The following NARS2 variants were observed in gnomAD, a reference collection of about 807,000 sequenced individuals.
NARS2 encodes asparaginyl-tRNA synthetase 2, mitochondrial, also known as asparaginyl-tRNA synthetase.
NARS2 carries 60 observed loss-of-function variants against 62.9 expected under a neutral mutation model. That is an observed-to-expected ratio of 0.95 (90% CI 0.77 to 1.18). NARS2 has a LOEUF of 1.18. Ranked by LOEUF, NARS2 falls within the 50% of genes most tolerant of loss-of-function variation. The pLI is 0.00. For synonymous variants in NARS2, 196 were observed against 200.0 expected, an observed-to-expected ratio of 0.98 and a Z score of 0.17; for missense variants, 619 against 576.4, an observed-to-expected ratio of 1.07 and a Z score of -0.76.
At chr11:78,568,882 T>A (rs1856827619) in intron 2 of NARS2, 130 bp from the exon 3 acceptor site, 1 of 633,626 alleles carries the variant, frequency 1.6e-6, no homozygotes, top group South Asian at 2.7e-5. Context: ...TAAATAATCT[T>A]CAGAATCTAT....
intron 5 of NARS2, among the ~76,000 whole-genome samples, chr11:78,533,763 G>C (rs1861565829): frequency 6.6e-6 from 1 of 152,122 alleles, no homozygotes; most frequent in Admixed American, 6.5e-5. Flanking sequence ...GTATCATACA[G>C]AATAGTTTCA....
intron 11 of NARS2, among the ~76,000 whole-genome samples, chr11:78,451,125 T>A (rs1857956683): frequency 6.6e-6 from 1 of 152,220 alleles, no homozygotes; most frequent in African/African-American, 2.4e-5. Flanking sequence ...TTCTGCACAC[T>A]CTCTGAGAAG....
At chr11:78,570,348 T>C (rs1243884895) in intron 2 of NARS2, among the ~76,000 whole-genome samples, 1 of 152,196 alleles carries the variant, frequency 6.6e-6, no homozygotes, top group African/African-American at 2.4e-5. Context: ...AATAATGTTC[T>C]CTTCCTCAGA....
At chr11:78,573,175 G>T (rs1565294478) in intron 1 of NARS2, 1 of 152,204 alleles carries the variant, frequency 6.6e-6, no homozygotes, top group Non-Finnish European at 1.5e-5. Context: ...AGAAATCACT[G>T]CAACGGCAAG....
At chr11:78,515,182 C>CA (rs778101284) in intron 6 of NARS2, among the ~76,000 whole-genome samples, 1 of 152,022 alleles carries the variant, frequency 6.6e-6, no homozygotes, top group Non-Finnish European at 1.5e-5. Context: ...AATGGGGATG[C>CA]ATTAAGAGTT....
Position 78,551,768 on chromosome 11 carries a change from T to C in NARS2, c.594+7771A>G, listed in dbSNP as rs536277850. Among the ~76,000 whole-genome samples the C allele has an allele frequency of 2.0e-5, 3 of 152,218 alleles. No individual in the cohort carries two copies. In the South Asian group the frequency reaches 6.2e-4, roughly 32 times the overall value. ...TGGGAGGCTGAGGCAGGAGAATTGC[T>C]TTAACCTGGGAGGTGGAGGTTGCAG... On this transcript the variant is annotated intron_variant, in intron 5 of 13. Coordinates refer to ENST00000281038, the MANE Select transcript of NARS2 (RefSeq NM_024678.6).
chr11:78,544,267 T>C (rs1208286708), intron 5 of NARS2, among the ~76,000 whole-genome samples: 1 of 152,174 alleles, frequency 6.6e-6, no homozygotes, highest in Non-Finnish European at 1.5e-5. Context: ...TCACAGCCAA[T>C]ATTCTTATAA....
In NARS2 at chr11:78,478,669, C is replaced by T. The variant is rs566743818; in HGVS notation, c.837G>A (p.Leu279=). Residue 279 remains leucine, a synonymous_variant, in exon 8 of 14, where the codon CTG becomes CTA. Coordinates refer to ENST00000281038, the MANE Select transcript of NARS2 (RefSeq NM_024678.6). ...GAACCATCATTGTTGTAGCCTTGAA[C>T]AGTTCCTCTATAACCTAAGAGAAAT... ...LQDLMQVIEE[L]FKATTMMVLS... 2.6e-5 allele frequency: 42 copies of T among 1,607,892 alleles called. No homozygotes were observed. Among genetic ancestry groups the T allele is most frequent in the Middle Eastern group, 1.7e-4 (1 of 6,040 alleles).
chr11:78,459,682 C>G lies in NARS2; in HGVS notation c.1164+6194G>C, dbSNP rs562451766. Among the ~76,000 whole-genome samples the G allele has an allele frequency of 2.0e-5, 3 of 152,324 alleles. No homozygotes were observed. In the East Asian group the frequency reaches 5.8e-4, roughly 29 times the overall value. The stretch of plus-strand genomic sequence containing the variant: ...TGCCATGACTGTGAGGCCTCCCCAG[C>G]CATGTGGAACTGTGAGTCCATTAAA... On this transcript the variant is annotated intron_variant, in intron 11 of 13. Coordinates refer to ENST00000281038, the MANE Select transcript of NARS2 (RefSeq NM_024678.6).
At chr11:78,516,510 T>C (rs1860915485) in intron 6 of NARS2, among the ~76,000 whole-genome samples, 1 of 152,214 alleles carries the variant, frequency 6.6e-6, no homozygotes. Flanking sequence ...GTAATCACAC[T>C]CCTAATTTCT....
intron 11 of NARS2, among the ~76,000 whole-genome samples, chr11:78,452,061 T>A (rs975014184): frequency 2.6e-5 from 4 of 152,166 alleles, no homozygotes; most frequent in African/African-American, 7.2e-5. Flanking sequence ...ACCAAACACA[T>A]ACTTATTTAT....
At chr11:78,451,335 G>A (rs971658558) in intron 11 of NARS2, among the ~76,000 whole-genome samples, 15 of 152,132 alleles carry the variant, frequency 9.9e-5, no homozygotes, top group African/African-American at 3.6e-4. Context: ...GATAACAACT[G>A]GGCTAGTTAC....
intron 5 of NARS2, among the ~76,000 whole-genome samples, chr11:78,543,574 GA>G (rs201266864): frequency 6.6e-6 from 1 of 151,702 alleles, no homozygotes; most frequent in Admixed American, 6.6e-5. Context: ...CCATTTGTAG[GA>G]AAAAAAATAA....
At chr11:78,562,762 A>G (rs1234260631) in intron 4 of NARS2, among the ~76,000 whole-genome samples, 1 of 152,248 alleles carries the variant, frequency 6.6e-6, no homozygotes, top group Non-Finnish European at 1.5e-5. Flanking sequence ...ATGAGCAAAC[A>G]AGGTTATACA....
At chr11:78,442,531 G>A (rs1348620472) in intron 12 of NARS2, among the ~76,000 whole-genome samples, 2 of 152,092 alleles carry the variant, frequency 1.3e-5, no homozygotes, top group African/African-American at 4.8e-5. Context: ...ATGGCTAACA[G>A]AATATTTTTA....
intron 7 of NARS2, among the ~76,000 whole-genome samples, chr11:78,485,941 C>A (rs1006524205): frequency 6.6e-6 from 1 of 152,174 alleles, no homozygotes; most frequent in Admixed American, 6.5e-5. Context: ...GTGGCACGAT[C>A]TCGGCTCACT....
In NARS2 at chr11:78,465,923, G is replaced by C; in HGVS notation, c.1117C>G (p.Leu373Val). 3 of 1,614,082 alleles carry C rather than the reference G, an allele frequency of 1.9e-6. No individual in the cohort carries two copies. The highest frequency in any genetic ancestry group is 1.7e-6 in the Non-Finnish European group (2 of 1,179,958). Residue 373 changes from leucine to valine, a missense_variant, in exon 11 of 14, where the codon CTC (leucine) becomes GTC (valine). Leu to Val is a conservative substitution (Grantham distance 32, BLOSUM62 1). Coordinates refer to ENST00000281038, the MANE Select transcript of NARS2 (RefSeq NM_024678.6). ...TTATCCCTCATGTAGAAAGGCTTGA[G>C]TGTTAATGGATAATTAATAACGAAG... ...PVFVINYPLT[L>V]KPFYMRDNED...
rs150355410 is a variant in NARS2 at position 78,465,958 on chromosome 11, T to C, written c.1082A>G (p.Asn361Ser). 1,393 of 1,613,960 alleles carry C rather than the reference T, an allele frequency of 8.6e-4. 5 individuals carry two copies. The highest frequency in any genetic ancestry group is 7.2e-3 in the South Asian group (654 of 91,058). The change falls in exon 11 of 14, where the codon AAC (asparagine) becomes AGC (serine). Residue 361 changes from asparagine (N) to serine (S), a missense_variant. Transcript: ENST00000281038. ...ATAATTAATAACGAAGACAGGTATG[T>C]TGCCACAGTGCTTCACCAGGTACTT... ...HEKYLVKHCG[N>S]IPVFVINYPL...
chr11:78,447,535 T>C (rs1857806555), intron 11 of NARS2, among the ~76,000 whole-genome samples: 1 of 152,112 alleles, frequency 6.6e-6, no homozygotes, highest in Admixed American at 6.6e-5. Flanking sequence ...ATATTGGTGG[T>C]GATATCTGCA....
Sources: gnomAD v4.1 joint callset for allele counts (sites outside exome capture counted in the v4.1 genomes callset) on GRCh38, gnomAD v4.1.1 for gene constraint, MANE v1.5 for transcripts, NCBI Gene and HGNC (gene_info 2026-07-23, HGNC 2026-07-21) for gene names.